The following HGSNAT variants were observed in gnomAD, a reference collection of about 807,000 sequenced individuals.
HGSNAT encodes transmembrane protein 76.
HGSNAT carries 59 observed loss-of-function variants against 85.2 expected under a neutral mutation model. The observed-to-expected ratio is 0.69, with a 90% confidence interval of 0.56 to 0.86. The LOEUF is 0.86. Ranked by LOEUF, HGSNAT falls within the 40% of genes least tolerant of loss-of-function variation. The probability of loss-of-function intolerance (pLI) is 0.00; values close to 1 mark genes in which losing one functional copy is unlikely to be tolerated. For synonymous variants in HGSNAT, 321 were observed against 304.5 expected (o/e 1.05, Z -0.56); for missense variants, 756 against 777.1 (o/e 0.97, Z 0.32).
chr8:43,147,051 A>T lies in HGSNAT; in HGVS notation c.222A>T (p.Glu74Asp), dbSNP rs1802741254. The T allele has an allele frequency of 6.3e-7, 1 of 1,594,912 alleles. No individual in the cohort carries two copies. The highest frequency in any genetic ancestry group is 8.6e-7 in the Non-Finnish European group (1 of 1,169,388). The change falls in exon 2 of 18, where the codon GAA becomes GAT. Residue 74 changes from glutamate to aspartate, a missense_variant. Transcript: ENST00000379644. Reference sequence around the variant, plus strand: ...ACTTGACCGTCTACTGGAAATCTGAATGCTGTTATCACGTATGTATCAGTT... The same window carrying T: ...ACTTGACCGTCTACTGGAAATCTGATTGCTGTTATCACGTATGTATCAGTT... Reference protein sequence around the residue: ...WTNLTVYWKSECCYHCLFQVL... With the variant: ...WTNLTVYWKSDCCYHCLFQVL...
At chr8:43,157,598 A>C (rs2130710916) in intron 2 of HGSNAT, among the ~76,000 whole-genome samples, 2 of 152,234 alleles carry the variant, frequency 1.3e-5, no homozygotes, top group Admixed American at 1.3e-4. Flanking sequence ...CAACATGGCA[A>C]AACCCCATCT....
At chr8:43,176,531 T>C (rs893146586) in intron 9 of HGSNAT, among the ~76,000 whole-genome samples, 2 of 152,178 alleles carry the variant, frequency 1.3e-5, no homozygotes, top group Non-Finnish European at 2.9e-5. Context: ...CTACGCTGGG[T>C]CTTTTGTGGT....
In HGSNAT at chr8:43,197,861, GCTCAGTT is replaced by G; in HGVS notation, c.1638_1644del (p.Ser547LeufsTer15). On this transcript the variant is annotated frameshift_variant, in exon 17 of 18. Coordinates refer to ENST00000379644, the MANE Select transcript of HGSNAT (RefSeq NM_152419.3). LOFTEE classifies it high-confidence loss of function. ...CCAGGTCCCTTTCGTATGTCACTAC[GCTCAGTT>G]CTTTTGCCTTCTTCATCCTGCTGGT... 6.2e-7 allele frequency: 1 copy of G among 1,613,902 alleles called. No individual in the cohort carries two copies. Among genetic ancestry groups the G allele is most frequent in the Non-Finnish European group, 8.5e-7 (1 of 1,179,828 alleles).
chr8:43,172,595 C>T (rs143545798), intron 8 of HGSNAT, among the ~76,000 whole-genome samples: 187 of 152,280 alleles, frequency 1.2e-3, no homozygotes, highest in African/African-American at 4.4e-3. Flanking sequence ...TGCTGTGAAT[C>T]TGTAAAGCTT....
chr8:43,176,426 A>G (rs1803814629), intron 9 of HGSNAT, among the ~76,000 whole-genome samples: 3 of 152,128 alleles, frequency 2.0e-5, no homozygotes, highest in Admixed American at 2.0e-4. Context: ...TTATGCCACT[A>G]CCATGCTGTT....
intron 14 of HGSNAT, chr8:43,194,513 T>C: frequency 2.0e-6 from 2 of 985,000 alleles, no homozygotes; most frequent in African/African-American, 3.5e-5. Flanking sequence ...TATTAGTCTG[T>C]GTGTCCTGAC....
Position 43,199,675 on chromosome 8 carries a change from G to A in HGSNAT, c.*106G>A, listed in dbSNP as rs186881132. The stretch of plus-strand genomic sequence containing the variant: ...ATTCATTAGGAAATTGACTGGCTGC[G>A]TGTTTACAGACTCTGGGGGAAGACA... On this transcript the variant is annotated 3_prime_UTR_variant, in exon 18 of 18. Coordinates refer to ENST00000379644, the MANE Select transcript of HGSNAT (RefSeq NM_152419.3). 219 of 841,128 alleles carry A rather than the reference G, an allele frequency of 2.6e-4. 1 individual carries two copies. In the East Asian group the frequency reaches 6.0e-3, roughly 23 times the overall value. The allele number at this position is 841,128 out of a possible 1,614,324, so 52.1% of individuals were successfully genotyped here. A position where few individuals can be genotyped will look rare whatever the true frequency, so the allele number is the denominator to read the frequency against.
chr8:43,161,548 T>C (rs1207304845), intron 5 of HGSNAT, 41 bp downstream of exon 5: 2 of 1,483,578 alleles, frequency 1.3e-6, no homozygotes, highest in Non-Finnish European at 1.8e-6. Context: ...AGGCAGAGTA[T>C]AGAAATAACA....
At chr8:43,178,312 A>G (rs1283224383) in intron 10 of HGSNAT, 78 bp downstream of exon 10, 2 of 1,100,670 alleles carry the variant, frequency 1.8e-6, no homozygotes, top group East Asian at 2.5e-5. Context: ...GAGAAATGCA[A>G]TTCCTCCATC....
chr8:43,155,745 T>C (rs149658092), intron 2 of HGSNAT, among the ~76,000 whole-genome samples: 1 of 152,246 alleles, frequency 6.6e-6, no homozygotes, highest in Non-Finnish European at 1.5e-5. Context: ...GTGAAAGATA[T>C]GAGAGATAGG....
Position 43,163,767 on chromosome 8 carries a change from C to G in HGSNAT, c.563+2260C>G, listed in dbSNP as rs980443154. Among the ~76,000 whole-genome samples the G allele has an allele frequency of 3.9e-5, 6 of 152,306 alleles. No homozygotes were observed. The South Asian group carries it at 1.0e-3, about 26-fold the overall frequency. ...TCCTGACCTCGTGATCCACCTGCCT[C>G]TGCCTCTCAAAGTGCTGGGATTACA... On this transcript the variant is annotated intron_variant, in intron 5 of 17. Transcript: ENST00000379644.
At chr8:43,158,096 T>G (rs973021879) in intron 2 of HGSNAT, among the ~76,000 whole-genome samples, 30 of 152,212 alleles carry the variant, frequency 2.0e-4, no homozygotes, top group Middle Eastern at 3.4e-3. Flanking sequence ...AGTGATTTTT[T>G]TTTTGTTTTG....
chr8:43,155,019 G>A (rs935810669), intron 2 of HGSNAT, among the ~76,000 whole-genome samples: 4 of 152,082 alleles, frequency 2.6e-5, no homozygotes, highest in African/African-American at 7.2e-5. Flanking sequence ...CATATCCTTC[G>A]CCCACTTGTT....
In HGSNAT at chr8:43,168,499, C is replaced by A. The variant is rs779459760; in HGVS notation, c.564-674C>A. 4.9e-4 allele frequency among the ~76,000 whole-genome samples: 70 copies of A among 141,664 alleles called. 1 individual carries two copies. The highest frequency in any genetic ancestry group is 9.0e-5 in the Non-Finnish European group (6 of 66,594). The allele number at this position is 141,664 out of a possible 152,430, so 92.9% of individuals were successfully genotyped here. On this transcript the variant is annotated intron_variant, in intron 5 of 17. Coordinates refer to ENST00000379644, the MANE Select transcript of HGSNAT (RefSeq NM_152419.3). ...CTTCCCTCCGCCTCCTGGGTTCAAG[C>A]AATTCTCCTGCCTCAGCCTCCTGAG...
intron 7 of HGSNAT, among the ~76,000 whole-genome samples, chr8:43,171,299 C>T (rs1181000231): frequency 6.6e-6 from 1 of 152,196 alleles, no homozygotes; most frequent in Non-Finnish European, 1.5e-5. Flanking sequence ...GCCCCAGTCT[C>T]ACCAGAGCCC....
chr8:43,194,269 C>T (rs995747082), intron 14 of HGSNAT: 1 of 531,586 alleles, frequency 1.9e-6, no homozygotes, highest in African/African-American at 2.1e-5. Context: ...CATGATGGCA[C>T]ACACCTGTAG....
At chr8:43,189,174 C>T (rs1452868867) in intron 11 of HGSNAT, among the ~76,000 whole-genome samples, 4 of 152,194 alleles carry the variant, frequency 2.6e-5, no homozygotes, top group South Asian at 2.1e-4. Flanking sequence ...CAGACAGGGA[C>T]GTTTAAGTTT....
At chr8:43,159,179 C>T (rs1212869857) in intron 4 of HGSNAT, 135 bp downstream of exon 4, 6 of 681,864 alleles carry the variant, frequency 8.8e-6, no homozygotes, top group African/African-American at 7.3e-5. Context: ...TTGATGAGCA[C>T]CACTCCCCCC....
rs547989773 is a variant in HGSNAT at position 43,151,012 on chromosome 8, G to A, written c.234+3949G>A. Among the ~76,000 whole-genome samples, 7 of 152,152 alleles carry A rather than the reference G, an allele frequency of 4.6e-5. No individual in the cohort carries two copies. In the East Asian group the frequency reaches 1.3e-3, roughly 29 times the overall value. On this transcript the variant is annotated intron_variant, in intron 2 of 17. Coordinates refer to ENST00000379644, the MANE Select transcript of HGSNAT (RefSeq NM_152419.3). Reference sequence around the variant, plus strand: ...GTAGATATTAGAATAAAAGGGGCTAGTTAAGCATTTGCATAAATAGTAAAT... The same window carrying A: ...GTAGATATTAGAATAAAAGGGGCTAATTAAGCATTTGCATAAATAGTAAAT...
Sources: allele counts gnomAD v4.1 joint callset (sites outside exome capture counted in the v4.1 genomes callset), GRCh38; gene constraint gnomAD v4.1.1; transcripts MANE v1.5; gene names NCBI Gene and HGNC (gene_info 2026-07-23, HGNC 2026-07-21).